The following NELL1 variants were observed in gnomAD, a reference collection of about 807,000 sequenced individuals.
NELL1 encodes the protein protein kinase C-binding protein NELL1.
NELL1 carries 76 observed loss-of-function variants against 107.4 expected under a neutral mutation model. The ratio of observed to expected loss-of-function variants is 0.71; its 90% CI spans 0.59 to 0.86. The LOEUF (loss-of-function observed/expected upper bound fraction) is 0.86. NELL1 is among the 40% of genes least tolerant of loss of function. NELL1 has a pLI of 0.00. For missense variants in NELL1, 1,024 were observed against 1,005.5 expected, an observed-to-expected ratio of 1.02 and a Z score of -0.25; for synonymous variants, 353 against 341.2, an observed-to-expected ratio of 1.03 and a Z score of -0.38.
In NELL1 at chr11:21,183,918, G is replaced by A. The variant is rs370472881; in HGVS notation, c.1427-45414G>A. Among the ~76,000 whole-genome samples the A allele has an allele frequency of 3.5e-4, 53 of 151,880 alleles. 3 individuals carry two copies. Among genetic ancestry groups the A allele is most frequent in the African/African-American group, 9.5e-4 (39 of 41,186 alleles). ...CTGAAACAAAAGGAAAAAAATCTGC[G>A]TTTCCGTTACTATGATCATTTTTGG... On this transcript the variant is annotated intron_variant, in intron 13 of 19. Transcript: ENST00000357134.
rs72937276 is a variant in NELL1, at chr11:20,912,119, C to A, written c.604-6063C>A. On this transcript the variant is annotated intron_variant, in intron 5 of 19. Coordinates refer to ENST00000357134, the MANE Select transcript of NELL1 (RefSeq NM_006157.5). ...TCTATTTTAAATATTATTATGTTGC[C>A]TTTATAGGCAAAGTAAAAGCAAAAG... Among the ~76,000 whole-genome samples, 196 of 152,238 alleles carry A rather than the reference C, an allele frequency of 1.3e-3. 1 individual carries two copies. The highest frequency in any genetic ancestry group is 2.4e-3 in the Non-Finnish European group (164 of 68,020).
chr11:21,196,223 T>C (rs1041740065), intron 13 of NELL1, among the ~76,000 whole-genome samples: 2 of 152,196 alleles, frequency 1.3e-5, no homozygotes, highest in Non-Finnish European at 2.9e-5. Flanking sequence ...TTGCTGAGCA[T>C]GTGCTGTGAT....
chr11:21,090,141 G>C (rs975651876), intron 12 of NELL1, among the ~76,000 whole-genome samples: 2 of 152,150 alleles, frequency 1.3e-5, no homozygotes, highest in Admixed American at 6.6e-5. Context: ...AAAATAAATA[G>C]AGTCTACAAA....
At chr11:20,914,635 C>T (rs1850205221) in intron 5 of NELL1, among the ~76,000 whole-genome samples, 3 of 152,084 alleles carry the variant, frequency 2.0e-5, no homozygotes, top group South Asian at 4.2e-4. Context: ...ACTAGATTTC[C>T]GGGTTAACTC....
At chr11:20,673,916 T>G (rs1045782798) in intron 1 of NELL1, among the ~76,000 whole-genome samples, 9 of 152,064 alleles carry the variant, frequency 5.9e-5, no homozygotes, top group African/African-American at 1.9e-4. Flanking sequence ...GCCTTATTAA[T>G]AGGTTTTCTG....
At chr11:20,740,536 C>A (rs1436676704) in intron 2 of NELL1, among the ~76,000 whole-genome samples, 1 of 152,134 alleles carries the variant, frequency 6.6e-6, no homozygotes, top group Non-Finnish European at 1.5e-5. Context: ...GCCCTGGAGT[C>A]CCTTAGATCT....
intron 14 of NELL1, among the ~76,000 whole-genome samples, chr11:21,272,265 T>C (rs908070506): frequency 6.6e-6 from 1 of 152,180 alleles, no homozygotes; most frequent in Non-Finnish European, 1.5e-5. Flanking sequence ...ATCCCACCCC[T>C]GGCTCGGAGG....
chr11:21,486,860 C>A (rs1854646474), intron 15 of NELL1, among the ~76,000 whole-genome samples: 1 of 151,742 alleles, frequency 6.6e-6, no homozygotes, highest in Admixed American at 6.6e-5. Flanking sequence ...TAGTCTAGAT[C>A]AAGCAGAAGA....
chr11:20,781,331 A>C (rs1856846125), intron 2 of NELL1, among the ~76,000 whole-genome samples: 1 of 152,182 alleles, frequency 6.6e-6, no homozygotes, highest in Admixed American at 6.5e-5. Flanking sequence ...CGGGAAGAGA[A>C]CAGGCTTCAC....
chr11:21,409,076 A>G (rs1852304153), intron 15 of NELL1, among the ~76,000 whole-genome samples: 2 of 152,102 alleles, frequency 1.3e-5, no homozygotes, highest in African/African-American at 4.8e-5. Flanking sequence ...CCATCCCATT[A>G]CTGGGCATAT....
intron 16 of NELL1, among the ~76,000 whole-genome samples, chr11:21,556,543 A>G (rs1034317363): frequency 6.6e-6 from 1 of 151,902 alleles, no homozygotes; most frequent in African/African-American, 2.4e-5. Context: ...GATTGGTTTG[A>G]TTGCTGCTGT....
chr11:20,746,816 C>T (rs1350462580), intron 2 of NELL1, among the ~76,000 whole-genome samples: 1 of 152,120 alleles, frequency 6.6e-6, no homozygotes, highest in Non-Finnish European at 1.5e-5. Context: ...CGATACACAG[C>T]TTCCCAGGTA....
intron 12 of NELL1, among the ~76,000 whole-genome samples, chr11:20,981,943 G>A (rs950795290): frequency 1.4e-5 from 2 of 140,644 alleles, no homozygotes; most frequent in Non-Finnish European, 3.1e-5. Context: ...AATGTCACCA[G>A]GGCTCTCTCT....
chr11:20,937,797 T>C lies in NELL1; in HGVS notation c.1009T>C (p.Tyr337His). 6.2e-7 allele frequency: 1 copy of C among 1,613,950 alleles called. No individual in the cohort carries two copies. The highest frequency in any genetic ancestry group is 8.5e-7 in the Non-Finnish European group (1 of 1,179,874). ...ATGTTTTATTACAGCAAAATGTATCTATGGAGGAAAAGTTCTTGCAGAAGG... is the reference window on the plus strand; with the variant it reads ...ATGTTTTATTACAGCAAAATGTATCCATGGAGGAAAAGTTCTTGCAGAAGG... Reference protein sequence around the residue: ...CCKVCRPKCIYGGKVLAEGQR... With the variant: ...CCKVCRPKCIHGGKVLAEGQR... The change falls in exon 10 of 20, where the codon TAT becomes CAT. Residue 337 changes from tyrosine (Y) to histidine (H), a missense_variant. By Grantham distance (83) the Tyr-to-His change is moderately conservative. Coordinates refer to ENST00000357134, the MANE Select transcript of NELL1 (RefSeq NM_006157.5).
intron 12 of NELL1, among the ~76,000 whole-genome samples, chr11:21,012,423 C>A (rs1016354197): frequency 6.6e-6 from 1 of 152,190 alleles, no homozygotes; most frequent in South Asian, 2.1e-4. Flanking sequence ...GAAACCTGCT[C>A]ACCCCCATCC....
At chr11:21,405,065 A>G (rs1051361417) in intron 15 of NELL1, among the ~76,000 whole-genome samples, 1 of 152,038 alleles carries the variant, frequency 6.6e-6, no homozygotes, top group Non-Finnish European at 1.5e-5. Context: ...TTAAAATTCT[A>G]TGAAGATTCC....
chr11:21,252,691 T>G (rs770048553), intron 14 of NELL1, among the ~76,000 whole-genome samples: 4 of 152,266 alleles, frequency 2.6e-5, no homozygotes, highest in South Asian at 2.1e-4. Flanking sequence ...CATACTCTGA[T>G]CAAACGTGGA....
chr11:20,717,938 C>T (rs1055969827), intron 2 of NELL1, among the ~76,000 whole-genome samples: 2 of 152,138 alleles, frequency 1.3e-5, no homozygotes, highest in East Asian at 3.9e-4. Flanking sequence ...TTGTAGTAAA[C>T]TTATTGTGGA....
chr11:21,504,635 T>G (rs1177557381), intron 15 of NELL1, among the ~76,000 whole-genome samples: 1 of 152,224 alleles, frequency 6.6e-6, no homozygotes, highest in Non-Finnish European at 1.5e-5. Context: ...TTCATTCCTA[T>G]CTTGCTCCTG....
Sources: gnomAD v4.1 joint callset for allele counts (sites outside exome capture counted in the v4.1 genomes callset) on GRCh38, gnomAD v4.1.1 for gene constraint, MANE v1.5 for transcripts, NCBI Gene and HGNC (gene_info 2026-07-23, HGNC 2026-07-21) for gene names.